The following LRRC37A2 variants were observed in gnomAD, a reference collection of about 807,000 sequenced individuals.
LRRC37A2 encodes the protein leucine-rich repeat-containing protein 37A2.
A neutral mutation model predicts 68.8 loss-of-function variants in LRRC37A2; 9 were observed. That is an observed-to-expected ratio of 0.13 (90% confidence interval 0.08 to 0.23). The LOEUF (loss-of-function observed/expected upper bound fraction) is 0.23. LRRC37A2 is among the 10% of genes least tolerant of loss of function. LRRC37A2 has a pLI of 1.00. For missense variants in LRRC37A2, 168 were observed against 950.4 expected, an observed-to-expected ratio of 0.18 and a Z score of 10.82; for synonymous variants, 63 against 367.6, an observed-to-expected ratio of 0.17 and a Z score of 9.48.
chr17:46,529,571 G>T (rs1231256020), intron 6 of LRRC37A2, among the ~76,000 whole-genome samples: 1 of 76,148 alleles, frequency 1.3e-5, no homozygotes, highest in Non-Finnish European at 3.5e-5. Flanking sequence ...ACTTTAAGAG[G>T]CCAAGACAGG....
At chr17:46,828,032 G>C in the LRRC37A2 span, among the ~76,000 whole-genome samples, 2,449 of 151,364 alleles carry the variant, frequency 0.016, 65 homozygotes, top group African/African-American at 0.057. Context: ...GGATGGTCTC[G>C]ATCCGCTGAC....
At chr17:46,999,539 G>A in the LRRC37A2 span, among the ~76,000 whole-genome samples, 2 of 151,960 alleles carry the variant, frequency 1.3e-5, no homozygotes, top group East Asian at 1.9e-4. Flanking sequence ...TTGTAGAGAC[G>A]GGGTCTTGCC....
At chr17:46,458,875 A>G in the LRRC37A2 span, among the ~76,000 whole-genome samples, 1 of 101,824 alleles carries the variant, frequency 9.8e-6, no homozygotes, top group Non-Finnish European at 2.2e-5. Flanking sequence ...ATCCTTGTTC[A>G]TGCTGGTTTA....
chr17:46,989,937 G>A, the LRRC37A2 span, among the ~76,000 whole-genome samples: 5 of 152,354 alleles, frequency 3.3e-5, 1 homozygote, highest in Middle Eastern at 6.8e-3. Flanking sequence ...CTGCAGCTGA[G>A]CCCAAAACCC....
chr17:46,810,237 AC>A, the LRRC37A2 span, among the ~76,000 whole-genome samples: 1 of 151,732 alleles, frequency 6.6e-6, no homozygotes, highest in Admixed American at 6.6e-5. Context: ...CAAACTCCTG[AC>A]CTCAGGTGAT....
the LRRC37A2 span, chr17:46,768,668 G>A: frequency 5.6e-6 from 9 of 1,614,154 alleles, no homozygotes; most frequent in Non-Finnish European, 6.8e-6. This position sits in a 1 kb window ranked among gnomAD's most constrained non-coding sequence, Gnocchi z 5.0. Flanking sequence ...TCTCCGAGGC[G>A]CTGTCATACT....
At chr17:46,726,440 G>T in the LRRC37A2 span, 3 of 940,028 alleles carry the variant, frequency 3.2e-6, no homozygotes, top group Middle Eastern at 2.1e-4. Flanking sequence ...CAAAGTGTTG[G>T]TGTTTTCCTG....
chr17:46,978,850 G>A, the LRRC37A2 span: 9 of 1,594,636 alleles, frequency 5.6e-6, no homozygotes, highest in Admixed American at 1.7e-5. Context: ...CGCCAGCCCC[G>A]CGGGGACCCC....
chr17:46,676,357 C>T, the LRRC37A2 span, among the ~76,000 whole-genome samples: 1 of 135,988 alleles, frequency 7.4e-6, no homozygotes, highest in Non-Finnish European at 1.5e-5. Context: ...CTCAGCCTCC[C>T]CAGTAGCTGG....
At chr17:46,960,094 TTTCCTGAATAA>T in the LRRC37A2 span, among the ~76,000 whole-genome samples, 2 of 152,230 alleles carry the variant, frequency 1.3e-5, no homozygotes, top group Non-Finnish European at 2.9e-5. Context: ...CAGAATGCCA[TTTCCTGAATAA>T]TATATCTACC....
At chr17:46,779,964 G>A in the LRRC37A2 span, among the ~76,000 whole-genome samples, 1 of 152,048 alleles carries the variant, frequency 6.6e-6, no homozygotes, top group East Asian at 1.9e-4. Flanking sequence ...TCGCAATATT[G>A]GCCAGGCTGG....
chr17:46,786,108 G>A, the LRRC37A2 span, among the ~76,000 whole-genome samples: 3 of 131,216 alleles, frequency 2.3e-5, no homozygotes, highest in East Asian at 7.0e-4. Flanking sequence ...GATAAGCCTG[G>A]AAAAAGGGAG....
At chr17:46,832,545 C>T in the LRRC37A2 span, among the ~76,000 whole-genome samples, 1 of 151,742 alleles carries the variant, frequency 6.6e-6, no homozygotes, top group African/African-American at 2.4e-5. Context: ...AAGCCCGGGC[C>T]ATAAAGGGGG....
chr17:47,019,978 C>T, the LRRC37A2 span, among the ~76,000 whole-genome samples: 13 of 149,730 alleles, frequency 8.7e-5, no homozygotes, highest in South Asian at 2.1e-3. Context: ...TAGGCCCCTT[C>T]TCCAGTCTTT....
chr17:46,938,810 TGTGTGTGTGAAAGAGAGAGGG>T, the LRRC37A2 span: 4 of 1,612,032 alleles, frequency 2.5e-6, no homozygotes, highest in Non-Finnish European at 3.4e-6. Flanking sequence ...TGCAAGTGTG[TGTGTGTGTGAAAGAGAGAGGG>T]GGGCCCAGAG....
At chr17:46,987,353 C>G in the LRRC37A2 span, among the ~76,000 whole-genome samples, 1 of 152,062 alleles carries the variant, frequency 6.6e-6, no homozygotes. Flanking sequence ...GGCGCCAGGA[C>G]GCTCAGGACT....
the LRRC37A2 span, among the ~76,000 whole-genome samples, chr17:46,796,703 G>C: frequency 6.6e-6 from 1 of 152,184 alleles, no homozygotes; most frequent in Non-Finnish European, 1.5e-5. Context: ...AGACAGCCCG[G>C]GTGTCCCCTG....
chr17:46,499,338 T>C, the LRRC37A2 span, among the ~76,000 whole-genome samples: 44 of 118,828 alleles, frequency 3.7e-4, 3 homozygotes, highest in Admixed American at 6.9e-4. Context: ...AAAAAAAAGG[T>C]GGGGGGACAA....
the LRRC37A2 span, among the ~76,000 whole-genome samples, chr17:46,610,029 C>CTT: frequency 0.043 from 3,798 of 87,332 alleles, 102 homozygotes; most frequent in Admixed American, 0.13. Flanking sequence ...TTCTTTCTTT[C>CTT]TCTCTCTCTC....
Sources: allele counts gnomAD v4.1 joint callset (sites outside exome capture counted in the v4.1 genomes callset), GRCh38; gene constraint gnomAD v4.1.1; non-coding constraint Gnocchi (gnomAD v3.1); transcripts MANE v1.5; gene names NCBI Gene and HGNC (gene_info 2026-07-23, HGNC 2026-07-21).